HECW2: variants seen among roughly 807,000 people sequenced by gnomAD.
HECW2 encodes the protein HECT, C2 and WW domain containing E3 ubiquitin protein ligase 2, also known as E3 ubiquitin-protein ligase HECW2.
In HECW2, 61 loss-of-function variants were observed where a neutral mutation model predicts 175.2. The ratio of observed to expected loss-of-function variants is 0.35; its 90% confidence interval spans 0.28 to 0.43. HECW2 has a LOEUF of 0.43. Ranked by LOEUF, HECW2 falls within the 20% of genes least tolerant of loss-of-function variation. HECW2 has a pLI of 1.00. For synonymous variants in HECW2, 671 were observed against 731.0 expected, an observed-to-expected ratio of 0.92 and a Z score of 1.32; for missense variants, 1,524 against 2,000.5, an observed-to-expected ratio of 0.76 and a Z score of 4.54.
chr2:196,342,738 C>T (rs1041913640), intron 3 of HECW2, among the ~76,000 whole-genome samples: 1 of 152,076 alleles, frequency 6.6e-6, no homozygotes, highest in African/African-American at 2.4e-5. Flanking sequence ...TCAGTGAGCC[C>T]GTCTATTTCA....
intron 4 of HECW2, among the ~76,000 whole-genome samples, chr2:196,332,485 C>T (rs942088502): frequency 6.6e-6 from 1 of 152,194 alleles, no homozygotes; most frequent in Non-Finnish European, 1.5e-5. Flanking sequence ...ATACTGATTG[C>T]CAGTGTTGTA....
intron 1 of HECW2, among the ~76,000 whole-genome samples, chr2:196,520,439 G>GA (rs1688321389): frequency 2.0e-5 from 3 of 152,202 alleles, no homozygotes; most frequent in Admixed American, 2.0e-4. Context: ...ATTGCCGCAG[G>GA]AAAAACTATC....
In HECW2 at chr2:196,254,043, A is replaced by G; in HGVS notation, c.3420-14T>C. 1 of 1,612,804 alleles carries G rather than the reference A, an allele frequency of 6.2e-7. No individual in the cohort carries two copies. Among genetic ancestry groups the G allele is most frequent in the Non-Finnish European group, 8.5e-7 (1 of 1,179,152 alleles). Reference sequence around the variant, plus strand: ...TCTTCAAATAAGCTGGGGAAAGACAAGAAACAAAACGGGCACTTCAGCCAA... The same window carrying G: ...TCTTCAAATAAGCTGGGGAAAGACAGGAAACAAAACGGGCACTTCAGCCAA... On this transcript the variant is annotated splice_polypyrimidine_tract_variant and intron_variant, in intron 18 of 28. Coordinates refer to ENST00000644978, the MANE Select transcript of HECW2 (RefSeq NM_001348768.2).
chr2:196,252,311 C>T (rs2105910744), intron 19 of HECW2, among the ~76,000 whole-genome samples: 1 of 152,110 alleles, frequency 6.6e-6, no homozygotes, highest in South Asian at 2.1e-4. Context: ...GTATCTATTT[C>T]CTACACTACT....
chr2:196,361,582 T>C (rs1466957993), intron 2 of HECW2, among the ~76,000 whole-genome samples: 1 of 152,206 alleles, frequency 6.6e-6, no homozygotes, highest in African/African-American at 2.4e-5. Context: ...TGACTGTCTA[T>C]ATGTAACAGT....
Position 196,318,743 on chromosome 2 carries a change from T to C in HECW2, c.2147A>G (p.Glu716Gly), listed in dbSNP as rs1298975888. ...SLPVVQVPSG[E>G]DEGPGAESAT... ...CGATTCTGCCCCTGGCCCTTCATCC[T>C]CCCCACTGGGCACCTGTACCACAGG... The change falls in exon 9 of 29, where the codon GAG becomes GGG. Residue 716 changes from glutamate (E) to glycine (G), a missense_variant. Glu to Gly is a moderately conservative substitution (Grantham distance 98). This residue lies in a region of HECW2 where 604 missense variants were observed against 588.3 expected (regional missense o/e 1.03). Transcript: ENST00000644978. 1.3e-6 allele frequency: 2 copies of C among 1,534,822 alleles called. No individual in the cohort carries two copies. Among genetic ancestry groups the C allele is most frequent in the Non-Finnish European group, 1.8e-6 (2 of 1,140,878 alleles).
chr2:196,372,281 G>A (rs1693928581), intron 2 of HECW2, among the ~76,000 whole-genome samples: 2 of 152,162 alleles, frequency 1.3e-5, no homozygotes, highest in South Asian at 2.1e-4. Flanking sequence ...CATGGGACAC[G>A]GATCTCATTT....
chr2:196,579,753 G>C (rs964795494), intron 1 of HECW2, among the ~76,000 whole-genome samples: 1 of 152,080 alleles, frequency 6.6e-6, no homozygotes, highest in Admixed American at 6.6e-5. Context: ...GTCCTTATAA[G>C]AAGAGGAAAT....
At chr2:196,278,499 C>T in intron 15 of HECW2, 29 bp downstream of exon 15, 3 of 1,603,990 alleles carry the variant, frequency 1.9e-6, no homozygotes, top group Admixed American at 1.7e-5. Context: ...TATCAACCAA[C>T]AGGTCAGTCC....
chr2:196,371,056 T>C (rs1009762423), intron 2 of HECW2, among the ~76,000 whole-genome samples: 1 of 152,172 alleles, frequency 6.6e-6, no homozygotes, highest in East Asian at 1.9e-4. Context: ...TCGTTCAATT[T>C]GGTGTTACTG....
chr2:196,371,002 C>G (rs756292604), intron 2 of HECW2, among the ~76,000 whole-genome samples: 1 of 152,174 alleles, frequency 6.6e-6, no homozygotes, highest in Non-Finnish European at 1.5e-5. Context: ...GATTGCTCAT[C>G]TGATTTTTGG....
At chr2:196,341,938 G>A (rs1355439542) in intron 3 of HECW2, among the ~76,000 whole-genome samples, 1 of 152,188 alleles carries the variant, frequency 6.6e-6, no homozygotes, top group East Asian at 1.9e-4. Flanking sequence ...TATGCTTGTG[G>A]CAGGTTTCCA....
At chr2:196,347,455 G>C (rs561470220) in intron 2 of HECW2, among the ~76,000 whole-genome samples, 17 of 152,102 alleles carry the variant, frequency 1.1e-4, no homozygotes, top group African/African-American at 3.6e-4. Context: ...TGGGTGATCA[G>C]CCTGCCTCAA....
chr2:196,252,677 CA>C (rs1423521553), intron 19 of HECW2, among the ~76,000 whole-genome samples: 1 of 152,236 alleles, frequency 6.6e-6, no homozygotes, highest in Non-Finnish European at 1.5e-5. Context: ...GTACAGTCTG[CA>C]AAACCATAAG....
chr2:196,450,608 A>C (rs1043399343), intron 1 of HECW2, among the ~76,000 whole-genome samples: 1 of 151,668 alleles, frequency 6.6e-6, no homozygotes, highest in African/African-American at 2.4e-5. Flanking sequence ...TCTCCTGCCA[A>C]GTAGCTAGGA....
intron 1 of HECW2, among the ~76,000 whole-genome samples, chr2:196,545,532 T>C (rs888430495): frequency 1.3e-5 from 2 of 152,190 alleles, no homozygotes; most frequent in Non-Finnish European, 1.5e-5. Context: ...GTTTGTAATA[T>C]GATTTGAATA....
At chr2:196,418,777 T>A (rs1695327927) in intron 2 of HECW2, among the ~76,000 whole-genome samples, 1 of 152,188 alleles carries the variant, frequency 6.6e-6, no homozygotes, top group South Asian at 2.1e-4. Context: ...GCTGGTACAC[T>A]GTAAAAAATT....
At chr2:196,586,767 T>C (rs1341377572) in intron 1 of HECW2, 1 of 151,890 alleles carries the variant, frequency 6.6e-6, no homozygotes, top group Non-Finnish European at 1.5e-5. Flanking sequence ...AAAAAAACTC[T>C]TCCTATAGCA....
rs967735569 is a variant in HECW2 at position 196,272,751 on chromosome 2, T to C, written c.3238+1270A>G. Among the ~76,000 whole-genome samples the C allele has an allele frequency of 2.0e-5, 3 of 152,206 alleles. No individual in the cohort carries two copies. The South Asian group carries it at 6.2e-4, about 31-fold the overall frequency. Reference sequence around the variant, plus strand: ...CCCTAAGTGCACGTTTCACTATATATGAATAATGAAGACACTTGGATAATT... The same window carrying C: ...CCCTAAGTGCACGTTTCACTATATACGAATAATGAAGACACTTGGATAATT... On this transcript the variant is annotated intron_variant, in intron 16 of 28. Transcript: ENST00000644978.
Sources: allele counts gnomAD v4.1 joint callset (sites outside exome capture counted in the v4.1 genomes callset), GRCh38; gene constraint gnomAD v4.1.1; regional missense constraint gnomAD v4.1.1; transcripts MANE v1.5; gene names NCBI Gene and HGNC (gene_info 2026-07-23, HGNC 2026-07-21).